The following MRM1 variants were observed in gnomAD, a reference collection of about 807,000 sequenced individuals.
MRM1 encodes mitochondrial rRNA methyltransferase 1.
MRM1 carries 24 observed loss-of-function variants against 25.0 expected under a neutral mutation model. The ratio of observed to expected loss-of-function variants is 0.96; its 90% CI spans 0.69 to 1.35. The LOEUF (loss-of-function observed/expected upper bound fraction) is 1.35, where lower values mean the gene tolerates loss of function less well. MRM1 is among the 40% of genes most tolerant of loss of function. The pLI is 0.00. For synonymous variants in MRM1, 188 were observed against 199.2 expected (o/e 0.94, Z 0.47); for missense variants, 431 against 464.1 (o/e 0.93, Z 0.65).
At chr17:36,620,184 A>G in the MRM1 span, among the ~76,000 whole-genome samples, 1 of 151,886 alleles carries the variant, frequency 6.6e-6, no homozygotes, top group Non-Finnish European at 1.5e-5. Flanking sequence ...CTGGATGCAC[A>G]GTTTACATTT....
chr17:36,609,129 G>A (rs1286741875), downstream of MRM1, among the ~76,000 whole-genome samples: 1 of 152,190 alleles, frequency 6.6e-6, no homozygotes, highest in Non-Finnish European at 1.5e-5. Flanking sequence ...GCCCCCCACG[G>A]GTGACTGAGT....
the MRM1 span, among the ~76,000 whole-genome samples, chr17:36,624,629 G>A: frequency 6.6e-5 from 10 of 152,146 alleles, no homozygotes; most frequent in African/African-American, 1.9e-4. This position sits in a 1 kb window ranked among gnomAD's most constrained non-coding sequence, Gnocchi z 4.0. Context: ...GGCCTTCAGC[G>A]TCTCCTTCAG....
chr17:36,614,082 G>A, the MRM1 span, among the ~76,000 whole-genome samples: 4 of 151,816 alleles, frequency 2.6e-5, no homozygotes, highest in African/African-American at 7.3e-5. Flanking sequence ...CGATGATGAC[G>A]ATGACAATGA....
chr17:36,601,717 C>A lies in MRM1; in HGVS notation c.-94C>A. 2 of 1,342,600 alleles carry A rather than the reference C, an allele frequency of 1.5e-6. No individual in the cohort carries two copies. The highest frequency in any genetic ancestry group is 5.1e-5 in the Admixed American group (2 of 39,460). The allele number at this position is 1,342,600 out of a possible 1,614,324, so 83.2% of individuals were successfully genotyped here. On this transcript the variant is annotated 5_prime_UTR_variant, in exon 1 of 5. Coordinates refer to ENST00000614766, the MANE Select transcript of MRM1 (RefSeq NM_024864.5). ...GGAGACGGCTGTCGAGTACCCTTCA[C>A]CTCGGTGTTGGGAGCCTGGGAGCGA...
At chr17:36,611,144 A>G (rs904636401), downstream of MRM1, among the ~76,000 whole-genome samples, 4 of 152,298 alleles carry the variant, frequency 2.6e-5, no homozygotes, top group East Asian at 7.7e-4. Context: ...AGTTGATCTC[A>G]TTGTGTGACC....
chr17:36,613,243 C>T (rs1599590002), downstream of MRM1, among the ~76,000 whole-genome samples: 1 of 152,040 alleles, frequency 6.6e-6, no homozygotes, highest in Non-Finnish European at 1.5e-5. Context: ...ACACCTCCCA[C>T]CCCCGCTTTG....
chr17:36,617,687 C>T, the MRM1 span, among the ~76,000 whole-genome samples: 27 of 152,122 alleles, frequency 1.8e-4, no homozygotes, highest in African/African-American at 4.6e-4. Flanking sequence ...TGAGCCACTG[C>T]GCCTGGCCAA....
chr17:36,630,094 T>C, the MRM1 span, among the ~76,000 whole-genome samples: 4 of 152,200 alleles, frequency 2.6e-5, no homozygotes, highest in Non-Finnish European at 4.4e-5. Context: ...GTTTCTGCTT[T>C]CAGAGTTGGG....
chr17:36,632,578 G>A, the MRM1 span, among the ~76,000 whole-genome samples: 5 of 151,606 alleles, frequency 3.3e-5, no homozygotes, highest in African/African-American at 4.8e-5. Flanking sequence ...CTCAGTTAAC[G>A]AGGATTTGGG....
the MRM1 span, among the ~76,000 whole-genome samples, chr17:36,629,537 G>A: frequency 2.6e-5 from 4 of 152,212 alleles, no homozygotes; most frequent in Non-Finnish European, 5.9e-5. Flanking sequence ...TTTGAGGGGA[G>A]GCTGGTCTCA....
At chr17:36,606,879 G>A (rs1214292670) in intron 2 of MRM1, among the ~76,000 whole-genome samples, 1 of 148,814 alleles carries the variant, frequency 6.7e-6, no homozygotes, top group African/African-American at 2.5e-5. Context: ...CCAAAGTGCT[G>A]GGATTACAGG....
Position 36,608,479 on chromosome 17 carries a change from C to T in MRM1, c.*64C>T, listed in dbSNP as rs546692558. ...ACGGCCGCACCTGCCTCCGCCGGCTCCAGTGTGCGGGGAGCCTCTGCCTGA... is the reference window on the plus strand; with the variant it reads ...ACGGCCGCACCTGCCTCCGCCGGCTTCAGTGTGCGGGGAGCCTCTGCCTGA... On this transcript the variant is annotated 3_prime_UTR_variant, in exon 5 of 5. Transcript: ENST00000614766. 1.6e-5 allele frequency: 21 copies of T among 1,330,076 alleles called. No individual in the cohort carries two copies. The highest frequency in any genetic ancestry group is 2.0e-5 in the Non-Finnish European group (20 of 1,002,000). The allele number at this position is 1,330,076 out of a possible 1,614,324, so 82.4% of individuals were successfully genotyped here.
downstream of MRM1, among the ~76,000 whole-genome samples, chr17:36,611,606 C>T (rs776829443): frequency 7.9e-5 from 12 of 152,208 alleles, no homozygotes; most frequent in Admixed American, 1.3e-4. Flanking sequence ...AAGAGATTAA[C>T]GTTTACATTG....
chr17:36,603,265 A>C, intron 2 of MRM1: 3 of 976,978 alleles, frequency 3.1e-6, no homozygotes, highest in Non-Finnish European at 3.6e-6. Flanking sequence ...GTCCAATAAA[A>C]ATATGGTGTG....
Position 36,602,575 on chromosome 17 carries a change from A to T in MRM1, c.565A>T (p.Ser189Cys). 2 of 1,614,214 alleles carry T rather than the reference A, an allele frequency of 1.2e-6. No individual in the cohort carries two copies. Among genetic ancestry groups the T allele is most frequent in the Non-Finnish European group, 1.7e-6 (2 of 1,180,040 alleles). ...RNSCPLTPVV[S>C]KSSAGAMEVM... Reference sequence around the variant, plus strand: ...CAGCTGCCCGCTCACTCCAGTAGTCAGCAAGTCCAGCGCGGGGGCTATGGA... The same window carrying T: ...CAGCTGCCCGCTCACTCCAGTAGTCTGCAAGTCCAGCGCGGGGGCTATGGA... The change falls in exon 2 of 5, where the codon AGC becomes TGC. Residue 189 changes from serine (S) to cysteine (C), a missense_variant. Ser to Cys is a moderately radical substitution (Grantham distance 112). Transcript: ENST00000614766. This position sits in a 1 kb window ranked among gnomAD's most constrained non-coding sequence, Gnocchi z 4.1.
At chr17:36,605,261 T>C (rs1019747810) in intron 2 of MRM1, among the ~76,000 whole-genome samples, 7 of 151,802 alleles carry the variant, frequency 4.6e-5, no homozygotes, top group African/African-American at 1.7e-4. Flanking sequence ...GCTCAAGCCA[T>C]CCTCCCACCT....
chr17:36,604,810 AAAG>A (rs1247653199), intron 2 of MRM1, among the ~76,000 whole-genome samples: 5 of 151,126 alleles, frequency 3.3e-5, no homozygotes, highest in African/African-American at 1.2e-4. Context: ...CAAAAAAAAA[AAAG>A]AGATGAGGTC....
At chr17:36,624,888 G>A in the MRM1 span, among the ~76,000 whole-genome samples, 1 of 152,000 alleles carries the variant, frequency 6.6e-6, no homozygotes, top group African/African-American at 2.4e-5. The surrounding 1 kb of genome is among the most constrained non-coding windows in gnomAD (Gnocchi z 4.0). Flanking sequence ...GCTCCTTCCA[G>A]CTCCCCACCC....
chr17:36,617,585 G>A, the MRM1 span, among the ~76,000 whole-genome samples: 123 of 151,998 alleles, frequency 8.1e-4, no homozygotes, highest in African/African-American at 2.8e-3. Context: ...GAGTAGAGGC[G>A]GGGTTTCACC....
Sources: gnomAD v4.1 joint callset for allele counts (sites outside exome capture counted in the v4.1 genomes callset) on GRCh38, gnomAD v4.1.1 for gene constraint, Gnocchi (gnomAD v3.1) non-coding constraint, MANE v1.5 for transcripts, NCBI Gene and HGNC (gene_info 2026-07-23, HGNC 2026-07-21) for gene names.